HS6ST2: variants seen among roughly 807,000 people sequenced by gnomAD.
HS6ST2 encodes the protein heparan-sulfate 6-O-sulfotransferase 2.
In HS6ST2, 17 loss-of-function variants were observed where a neutral mutation model predicts 33.0. That is an observed-to-expected ratio of 0.52 (90% CI 0.35 to 0.77). The LOEUF (loss-of-function observed/expected upper bound fraction) is 0.77. Among genes scored for constraint, HS6ST2 ranks in the 30% least tolerant of loss-of-function variants. The pLI is 0.01. For synonymous variants in HS6ST2, 248 were observed against 237.1 expected, an observed-to-expected ratio of 1.05 and a Z score of -0.42; for missense variants, 519 against 551.7, an observed-to-expected ratio of 0.94 and a Z score of 0.59.
At chrX:132,664,242 C>T (rs1465138230) in intron 4 of HS6ST2, among the ~76,000 whole-genome samples, 2 of 111,844 alleles carry the variant, frequency 1.8e-5, no homozygotes, top group African/African-American at 6.5e-5. Flanking sequence ...ATCTCCTGAC[C>T]TCATGGTCCG....
At chrX:132,845,298 G>C (rs1489127744) in intron 2 of HS6ST2, among the ~76,000 whole-genome samples, 1 of 109,767 alleles carries the variant, frequency 9.1e-6, no homozygotes, top group Admixed American at 9.8e-5. Context: ...ATGTGAATGT[G>C]TGTTGCATGT....
rs752299400 is a variant in HS6ST2 at position 132,787,192 on chromosome X, TATATATACAC to T, written c.948-78708_948-78699del. Among the ~76,000 whole-genome samples, 81 of 83,773 alleles carry T rather than the reference TATATATACAC, an allele frequency of 9.7e-4. 2 individuals carry two copies. The highest frequency in any genetic ancestry group is 8.5e-3 in the East Asian group (24 of 2,826). The allele number at this position is 83,773 out of a possible 115,157, so 72.7% of individuals were successfully genotyped here. On this transcript the variant is annotated intron_variant, in intron 2 of 4. Transcript: ENST00000370833. The stretch of plus-strand genomic sequence containing the variant: ...GTATATATATATATATATATACATA[TATATATACAC>T]ATATATATATACACATATATATATA...
intron 2 of HS6ST2, among the ~76,000 whole-genome samples, chrX:132,941,164 C>T (rs916824408): frequency 2.7e-5 from 3 of 111,704 alleles, no homozygotes; most frequent in African/African-American, 9.8e-5. Flanking sequence ...TTCATACATA[C>T]GAACACTGTA....
intron 2 of HS6ST2, among the ~76,000 whole-genome samples, chrX:132,946,271 G>T (rs2066954480): frequency 9.0e-6 from 1 of 111,461 alleles, no homozygotes; most frequent in Non-Finnish European, 1.9e-5. Flanking sequence ...CCCATTACTG[G>T]GTATATACCC....
At chrX:132,917,435 C>T (rs368803176) in intron 2 of HS6ST2, among the ~76,000 whole-genome samples, 270 of 110,620 alleles carry the variant, frequency 2.4e-3, no homozygotes, top group African/African-American at 8.5e-3. Flanking sequence ...CATGTCTCTA[C>T]TAAAAACACA....
Position 132,746,896 on chromosome X carries a change from G to A in HS6ST2, c.948-38402C>T, listed in dbSNP as rs1018382369. 3.3e-4 allele frequency among the ~76,000 whole-genome samples: 37 copies of A among 111,739 alleles called. 1 individual carries two copies. The highest frequency in any genetic ancestry group is 3.8e-4 in the South Asian group (1 of 2,637). ...CTGCCCAGTGAATAACAAACAACTC[G>A]TTTGGATTTCCCATTTCCCTACCTA... On this transcript the variant is annotated intron_variant, in intron 2 of 4. Coordinates refer to ENST00000370833, the MANE Select transcript of HS6ST2 (RefSeq NM_001394073.1).
At chrX:132,895,354 A>C (rs1240575926) in intron 2 of HS6ST2, among the ~76,000 whole-genome samples, 5 of 111,649 alleles carry the variant, frequency 4.5e-5, no homozygotes, top group Non-Finnish European at 9.4e-5. Context: ...GTACTTCTCA[A>C]TAAACGAAAA....
intron 2 of HS6ST2, among the ~76,000 whole-genome samples, chrX:132,840,113 C>T (rs1326979609): frequency 9.1e-6 from 1 of 110,061 alleles, no homozygotes; most frequent in African/African-American, 3.3e-5. Flanking sequence ...GAGACTCTGT[C>T]TCAAAAAAAA....
intron 2 of HS6ST2, among the ~76,000 whole-genome samples, chrX:132,806,675 C>T (rs2065286817): frequency 9.1e-6 from 1 of 109,980 alleles, no homozygotes; most frequent in Admixed American, 9.7e-5. Flanking sequence ...TTTATGGACA[C>T]TGAAATTTGA....
At chrX:132,824,907 A>G (rs2065502014) in intron 2 of HS6ST2, among the ~76,000 whole-genome samples, 1 of 112,418 alleles carries the variant, frequency 8.9e-6, no homozygotes, top group Non-Finnish European at 1.9e-5. Context: ...TATAGCAATC[A>G]TTACTGAAAT....
upstream of HS6ST2, chrX:132,958,632 G>C (rs1024455638): frequency 9.0e-7 from 1 of 1,114,171 alleles, no homozygotes; most frequent in African/African-American, 1.8e-5. Flanking sequence ...AGGGTACTAA[G>C]GATCACGAGC....
chrX:132,702,287 A>C (rs1335402619), intron 3 of HS6ST2, among the ~76,000 whole-genome samples: 1 of 112,685 alleles, frequency 8.9e-6, no homozygotes, highest in Admixed American at 9.4e-5. Context: ...AATGCTTACT[A>C]ACTCTTAATG....
upstream of HS6ST2, among the ~76,000 whole-genome samples, chrX:132,960,273 AG>A (rs1259333886): frequency 9.1e-6 from 1 of 110,388 alleles, no homozygotes; most frequent in Non-Finnish European, 1.9e-5. Flanking sequence ...GTGGCCCCGG[AG>A]CTCTGCTTGC....
At chrX:132,845,164 G>A (rs184263716) in intron 2 of HS6ST2, among the ~76,000 whole-genome samples, 50 of 107,607 alleles carry the variant, frequency 4.6e-4, no homozygotes, top group South Asian at 2.4e-3. Context: ...GTATTTCATC[G>A]AGAGAGAGAT....
intron 3 of HS6ST2, among the ~76,000 whole-genome samples, chrX:132,703,381 A>T (rs2064160887): frequency 8.8e-6 from 1 of 113,199 alleles, no homozygotes; most frequent in African/African-American, 3.2e-5. Context: ...CATGAAGTCA[A>T]GGAACTCACA....
chrX:132,630,178 A>G (rs1400846947), intron 4 of HS6ST2, among the ~76,000 whole-genome samples: 1 of 112,401 alleles, frequency 8.9e-6, no homozygotes, highest in Non-Finnish European at 1.9e-5. Context: ...ACAGAAGATG[A>G]AGGACGAGGC....
chrX:132,914,753 C>T (rs1331876661), intron 2 of HS6ST2, among the ~76,000 whole-genome samples: 2 of 111,984 alleles, frequency 1.8e-5, no homozygotes, highest in African/African-American at 6.5e-5. Context: ...GCTTTCTGAA[C>T]CTCAGCGGAC....
chrX:132,912,804 G>A (rs2066547563), intron 2 of HS6ST2, among the ~76,000 whole-genome samples: 1 of 111,861 alleles, frequency 8.9e-6, no homozygotes, highest in Admixed American at 9.5e-5. Context: ...ACCATAGACA[G>A]TTTAAAGCTT....
At chrX:132,742,526 A>G (rs2064589924) in intron 2 of HS6ST2, among the ~76,000 whole-genome samples, 2 of 111,655 alleles carry the variant, frequency 1.8e-5, no homozygotes, top group Admixed American at 9.5e-5. Flanking sequence ...CCCATTGCAT[A>G]AAGGCCAAAA....
Sources: gnomAD v4.1 joint callset for allele counts (sites outside exome capture counted in the v4.1 genomes callset) on GRCh38, gnomAD v4.1.1 for gene constraint, MANE v1.5 for transcripts, NCBI Gene and HGNC (gene_info 2026-07-23, HGNC 2026-07-21) for gene names.